Variants in NRXN3 observed in about 807,000 individuals in gnomAD.
The protein encoded by NRXN3 is neurexin 3.
In NRXN3, 32 loss-of-function variants were observed where a neutral mutation model predicts 137.6. The ratio of observed to expected loss-of-function variants is 0.23; its 90% CI spans 0.18 to 0.31. The LOEUF (loss-of-function observed/expected upper bound fraction) is 0.31. Ranked by LOEUF, NRXN3 falls within the 10% of genes least tolerant of loss-of-function variation. The pLI is 1.00. For synonymous variants in NRXN3, 798 were observed against 784.5 expected, an observed-to-expected ratio of 1.02 and a Z score of -0.29; for missense variants, 1,574 against 2,062.5, an observed-to-expected ratio of 0.76 and a Z score of 4.59.
intron 10 of NRXN3, among the ~76,000 whole-genome samples, chr14:78,915,108 T>A (rs988786628): frequency 2.0e-5 from 3 of 151,902 alleles, no homozygotes; most frequent in Admixed American, 1.3e-4. Context: ...AAGGGCTAGT[T>A]GTGAAAGATG....
At chr14:79,680,810 G>C (rs2098666410) in intron 17 of NRXN3, among the ~76,000 whole-genome samples, 1 of 152,118 alleles carries the variant, frequency 6.6e-6, no homozygotes, top group South Asian at 2.1e-4. Flanking sequence ...TCAGCCTGCT[G>C]TTCCTAGAGA....
At chr14:79,260,774 A>G (rs771892981) in intron 15 of NRXN3, among the ~76,000 whole-genome samples, 18 of 152,208 alleles carry the variant, frequency 1.2e-4, no homozygotes, top group Non-Finnish European at 2.4e-4. Context: ...GAAATGGTAT[A>G]TTCTCTTTCC....
intron 10 of NRXN3, 24 bp from the exon 11 acceptor site, chr14:78,957,217 CT>C (rs773702323): frequency 6.2e-7 from 1 of 1,611,820 alleles, no homozygotes; most frequent in African/African-American, 1.3e-5. Context: ...TTGATTCTAA[CT>C]TTGGCACTTA....
At chr14:79,794,526 TTC>T (rs1390564972) in intron 19 of NRXN3, among the ~76,000 whole-genome samples, 1 of 152,226 alleles carries the variant, frequency 6.6e-6, no homozygotes, top group South Asian at 2.1e-4. Context: ...TGCCATTGCC[TTC>T]TCTCTGTCTT....
intron 19 of NRXN3, among the ~76,000 whole-genome samples, chr14:79,773,048 C>T (rs1568199913): frequency 6.6e-6 from 1 of 152,044 alleles, no homozygotes; most frequent in Non-Finnish European, 1.5e-5. Flanking sequence ...CACTGGCCAT[C>T]AGAGAAATGC....
intron 19 of NRXN3, among the ~76,000 whole-genome samples, chr14:79,780,608 C>CTAAA (rs1212246957): frequency 5.9e-5 from 9 of 151,882 alleles, no homozygotes; most frequent in African/African-American, 2.2e-4. Flanking sequence ...GACTCTGTCC[C>CTAAA]TAAATAAATA....
intron 20 of NRXN3, among the ~76,000 whole-genome samples, chr14:79,824,306 C>G (rs1170663973): frequency 6.6e-6 from 1 of 152,136 alleles, no homozygotes; most frequent in African/African-American, 2.4e-5. Context: ...ACTGCAGCTA[C>G]AAAGATTATA....
chr14:79,855,640 A>G (rs1192675860), intron 20 of NRXN3, among the ~76,000 whole-genome samples: 2 of 152,130 alleles, frequency 1.3e-5, no homozygotes, highest in African/African-American at 2.4e-5. Context: ...GCCTCAATAT[A>G]TAATTATACT....
chr14:78,368,610 A>G (rs2086352822), intron 4 of NRXN3, among the ~76,000 whole-genome samples: 1 of 152,176 alleles, frequency 6.6e-6, no homozygotes, highest in South Asian at 2.1e-4. Flanking sequence ...AAGGAGAATC[A>G]CTTGAATCCA....
intron 19 of NRXN3, among the ~76,000 whole-genome samples, chr14:79,755,186 T>C (rs1324496678): frequency 6.6e-6 from 1 of 152,180 alleles, no homozygotes; most frequent in Admixed American, 6.5e-5. Context: ...AACCTATACA[T>C]ATCCTCTCAC....
intron 16 of NRXN3, among the ~76,000 whole-genome samples, chr14:79,492,348 A>G (rs1601134332): frequency 6.6e-6 from 1 of 151,900 alleles, no homozygotes; most frequent in African/African-American, 2.4e-5. Flanking sequence ...TTTGCAAGGT[A>G]TTCAGTTTTA....
chr14:78,243,688 G>A lies in NRXN3; in HGVS notation c.595G>A (p.Glu199Lys), dbSNP rs544312796. 20 of 1,598,396 alleles carry A rather than the reference G, an allele frequency of 1.3e-5. No homozygotes were observed. Among genetic ancestry groups the A allele is most frequent in the African/African-American group, 5.3e-5 (4 of 75,036 alleles). Reference protein sequence around the residue: ...LGSRGVQMDAEGPCGERPCEN... With the variant: ...LGSRGVQMDAKGPCGERPCEN... Reference sequence around the variant, plus strand: ...GAGCCGGGGTGTCCAGATGGATGCCGAGGGACCCTGTGGTGAGCGTCCCTG... The same window carrying A: ...GAGCCGGGGTGTCCAGATGGATGCCAAGGGACCCTGTGGTGAGCGTCCCTG... The change falls in exon 2 of 21, where the codon GAG (glutamate) becomes AAG (lysine). Residue 199 changes from glutamate (E) to lysine (K), a missense_variant. Coordinates refer to ENST00000335750, the MANE Select transcript of NRXN3 (RefSeq NM_001330195.2). This position sits in a 1 kb window ranked among gnomAD's most constrained non-coding sequence, Gnocchi z 4.2.
intron 8 of NRXN3, among the ~76,000 whole-genome samples, chr14:78,783,754 GTAAAC>G (rs1023470456): frequency 6.6e-6 from 1 of 152,110 alleles, no homozygotes; most frequent in African/African-American, 2.4e-5. Flanking sequence ...AGTCAAATAT[GTAAAC>G]TAAACTAAAG....
chr14:78,540,609 C>G (rs1164705825), intron 4 of NRXN3, among the ~76,000 whole-genome samples: 3 of 151,962 alleles, frequency 2.0e-5, no homozygotes, highest in Non-Finnish European at 4.4e-5. Context: ...GGCATTTAGC[C>G]CATTTACATT....
intron 16 of NRXN3, among the ~76,000 whole-genome samples, chr14:79,497,348 C>T (rs2096777155): frequency 1.3e-5 from 2 of 152,122 alleles, no homozygotes; most frequent in South Asian, 2.1e-4. Flanking sequence ...TACCTCAGAG[C>T]CTTTGCTCTT....
intron 4 of NRXN3, among the ~76,000 whole-genome samples, chr14:78,536,310 A>G (rs181676270): frequency 1.3e-5 from 2 of 152,124 alleles, no homozygotes; most frequent in East Asian, 1.9e-4. Context: ...CATTTTCCCT[A>G]GATAGTAGCT....
chr14:79,708,161 A>T (rs1242078431), intron 19 of NRXN3, among the ~76,000 whole-genome samples: 2 of 152,220 alleles, frequency 1.3e-5, no homozygotes, highest in Admixed American at 6.5e-5. Context: ...AAATATTTTT[A>T]AAAAATTGTG....
intron 4 of NRXN3, among the ~76,000 whole-genome samples, chr14:78,407,763 C>T (rs1417137185): frequency 6.6e-6 from 1 of 152,156 alleles, no homozygotes; most frequent in African/African-American, 2.4e-5. Context: ...GCTGCCTTCA[C>T]ACATCCCATT....
chr14:78,718,504 C>T (rs17108118), intron 8 of NRXN3, among the ~76,000 whole-genome samples: 4 of 151,948 alleles, frequency 2.6e-5, no homozygotes, highest in African/African-American at 9.7e-5. Flanking sequence ...AAGTCATCAG[C>T]CAAGTATAAG....
Sources: allele counts gnomAD v4.1 joint callset (sites outside exome capture counted in the v4.1 genomes callset), GRCh38; gene constraint gnomAD v4.1.1; non-coding constraint Gnocchi (gnomAD v3.1); transcripts MANE v1.5; gene names NCBI Gene and HGNC (gene_info 2026-07-23, HGNC 2026-07-21).